CUBN: variants seen among roughly 807,000 people sequenced by gnomAD.
CUBN encodes cubilin, also known as 460 kDa receptor.
In CUBN, 282 loss-of-function variants were observed where a neutral mutation model predicts 405.3. The observed-to-expected ratio is 0.70, with a 90% confidence interval of 0.63 to 0.77. CUBN has a LOEUF of 0.77. CUBN is among the 30% of genes least tolerant of loss of function. The probability of loss-of-function intolerance (pLI) is 0.00; values close to 1 mark genes in which losing one functional copy is unlikely to be tolerated. For missense variants in CUBN, 4,514 were observed against 4,475.2 expected (o/e 1.01, Z -0.25); for synonymous variants, 1,684 against 1,617.0 (o/e 1.04, Z -0.99).
At chr10:16,865,293 G>T (rs1283762685) in intron 59 of CUBN, among the ~76,000 whole-genome samples, 1 of 152,094 alleles carries the variant, frequency 6.6e-6, no homozygotes, top group African/African-American at 2.4e-5. Flanking sequence ...TTATACATTT[G>T]TTGGACTGTA....
intron 28 of CUBN, among the ~76,000 whole-genome samples, chr10:16,998,002 C>T (rs951884757): frequency 2.0e-5 from 3 of 151,152 alleles, no homozygotes; most frequent in African/African-American, 7.3e-5. Flanking sequence ...GGAGTGATCA[C>T]GAGATGAAAT....
intron 14 of CUBN, among the ~76,000 whole-genome samples, chr10:17,097,641 C>A (rs1281149662): frequency 2.6e-5 from 4 of 151,996 alleles, no homozygotes; most frequent in Non-Finnish European, 5.9e-5. Context: ...CAAATAAAAT[C>A]TAGCAATGTA....
At chr10:17,003,187 C>T (rs1833935112) in intron 28 of CUBN, among the ~76,000 whole-genome samples, 1 of 152,186 alleles carries the variant, frequency 6.6e-6, no homozygotes. Context: ...AGCAGGATTT[C>T]CTTATCTGAC....
chr10:16,895,717 C>A (rs1841161838), intron 54 of CUBN, among the ~76,000 whole-genome samples: 1 of 152,104 alleles, frequency 6.6e-6, no homozygotes, highest in African/African-American at 2.4e-5. Context: ...TCCACTCCTG[C>A]TTTTTTGGTT....
chr10:17,032,614 A>C (rs1264595765), intron 27 of CUBN, among the ~76,000 whole-genome samples: 1 of 152,232 alleles, frequency 6.6e-6, no homozygotes, highest in African/African-American at 2.4e-5. Flanking sequence ...ATTAATGACA[A>C]ATATTACTGT....
chr10:17,027,081 T>A (rs1834687138), intron 27 of CUBN, among the ~76,000 whole-genome samples: 1 of 152,248 alleles, frequency 6.6e-6, no homozygotes, highest in Non-Finnish European at 1.5e-5. Context: ...TGGTGGCTAG[T>A]TGCTGTCTGC....
At chr10:16,845,683 A>T (rs568846805) in intron 60 of CUBN, among the ~76,000 whole-genome samples, 2 of 152,248 alleles carry the variant, frequency 1.3e-5, no homozygotes, top group Non-Finnish European at 1.5e-5. Flanking sequence ...ATGCTAATTA[A>T]CACTGAACTG....
At chr10:16,838,686 C>T (rs1291168809) in intron 62 of CUBN, among the ~76,000 whole-genome samples, 1 of 152,178 alleles carries the variant, frequency 6.6e-6, no homozygotes, top group Non-Finnish European at 1.5e-5. Flanking sequence ...ACTCTGTCAC[C>T]CAGGCTGGAG....
rs76443406 is a variant in CUBN at position 16,943,963 on chromosome 10, T to G, written c.5342+3272A>C. Reference sequence around the variant, plus strand: ...CTTTATTATGCTTGGAAGTCTTTGCTTTAGGCTGGTACATTTTATAAGCAA... The same window carrying G: ...CTTTATTATGCTTGGAAGTCTTTGCGTTAGGCTGGTACATTTTATAAGCAA... On this transcript the variant is annotated intron_variant, in intron 36 of 66. Transcript: ENST00000377833. 5.0e-3 allele frequency among the ~76,000 whole-genome samples: 764 copies of G among 152,362 alleles called. 5 individuals are homozygous for G. Among genetic ancestry groups the G allele is most frequent in the African/African-American group, 0.018 (728 of 41,582 alleles).
chr10:16,849,175 T>C (rs563854572), intron 60 of CUBN, among the ~76,000 whole-genome samples: 21 of 152,294 alleles, frequency 1.4e-4, no homozygotes, highest in African/African-American at 3.8e-4. Context: ...GCCTCTACTT[T>C]ACAATTCAAT....
intron 50 of CUBN, among the ~76,000 whole-genome samples, chr10:16,905,605 T>A (rs1841531442): frequency 6.6e-6 from 1 of 152,154 alleles, no homozygotes. Context: ...AGTAGTGGAC[T>A]CTCGCTTCGG....
chr10:16,834,203 T>C (rs1409256846), intron 64 of CUBN, among the ~76,000 whole-genome samples: 2 of 152,104 alleles, frequency 1.3e-5, no homozygotes, highest in Non-Finnish European at 2.9e-5. Flanking sequence ...TGAGGCTTAT[T>C]CAGACTATCT....
At chr10:16,928,335 T>C (rs756225449) in intron 40 of CUBN, 32 bp from the exon 41 acceptor site, 12 of 1,611,482 alleles carry the variant, frequency 7.4e-6, no homozygotes, top group Admixed American at 3.3e-5. Context: ...AACATGAAAA[T>C]ACATCTTGAG....
chr10:16,866,625 C>T lies in CUBN; in HGVS notation c.9454+3011G>A, dbSNP rs144910642. Among the ~76,000 whole-genome samples the T allele has an allele frequency of 2.6e-5, 4 of 152,282 alleles. No individual in the cohort carries two copies. In the East Asian group the frequency reaches 5.8e-4, roughly 22 times the overall value. ...ATGAACTCGGTTAGGAAAAATGCTC[C>T]GATTTGCAGATTATTTCAGAGTTTC... On this transcript the variant is annotated intron_variant, in intron 59 of 66. Transcript: ENST00000377833.
rs867573800 is a variant in CUBN, at chr10:16,899,184, C to T, written c.8411-1G>A. On this transcript the variant is annotated splice_acceptor_variant, in intron 53 of 66. Transcript: ENST00000377833. LOFTEE classifies it high-confidence loss of function. The stretch of plus-strand genomic sequence containing the variant: ...TCAGAATGAAATATTCCACCACAAC[C>T]TGAAATATTGCCATGTAAAAAGCCA... 6.2e-7 allele frequency: 1 copy of T among 1,612,578 alleles called. No homozygotes were observed. Among genetic ancestry groups the T allele is most frequent in the Non-Finnish European group, 8.5e-7 (1 of 1,178,608 alleles).
chr10:17,045,435 C>T (rs575983220), intron 24 of CUBN, among the ~76,000 whole-genome samples: 1 of 150,334 alleles, frequency 6.7e-6, no homozygotes, highest in South Asian at 2.1e-4. Flanking sequence ...TCTTGACTCA[C>T]TGCAATTTCC....
Position 16,888,513 on chromosome 10 carries a change from G to A in CUBN, c.8809C>T (p.Pro2937Ser). 1 of 1,613,484 alleles carries A rather than the reference G, an allele frequency of 6.2e-7. No homozygotes were observed. The highest frequency in any genetic ancestry group is 8.5e-7 in the Non-Finnish European group (1 of 1,179,596). ...PSGYIISPNY[P>S]KQYDNNMNCT... ...TTCATGTTGTTGTCATATTGTTTTGGGTAATTTGGAGAAATGATGTAACCT... is the reference window on the plus strand; with the variant it reads ...TTCATGTTGTTGTCATATTGTTTTGAGTAATTTGGAGAAATGATGTAACCT... Residue 2937 changes from proline (P) to serine (S), a missense_variant, in exon 56 of 67, where the codon CCA becomes TCA. By Grantham distance (74) the Pro-to-Ser change is moderately conservative (BLOSUM62 -1). This residue lies in a region of CUBN where 1,186 missense variants were observed against 1,186.9 expected (regional missense o/e 1.00). Transcript: ENST00000377833.
chr10:16,941,221 C>A (rs1405871988), intron 36 of CUBN, among the ~76,000 whole-genome samples: 1 of 152,108 alleles, frequency 6.6e-6, no homozygotes, highest in Non-Finnish European at 1.5e-5. Flanking sequence ...CACTGTCAAT[C>A]CAATTCAATC....
intron 51 of CUBN, among the ~76,000 whole-genome samples, chr10:16,902,169 T>A (rs1841408831): frequency 7.3e-6 from 1 of 136,544 alleles, no homozygotes; most frequent in African/African-American, 2.7e-5. Flanking sequence ...GTATATACTA[T>A]ATATAGTATA....
Sources: gnomAD v4.1 joint callset for allele counts (sites outside exome capture counted in the v4.1 genomes callset) on GRCh38, gnomAD v4.1.1 for gene constraint, gnomAD v4.1.1 regional missense constraint, MANE v1.5 for transcripts, NCBI Gene and HGNC (gene_info 2026-07-23, HGNC 2026-07-21) for gene names.